The following TET3 variants were observed in gnomAD, a reference collection of about 807,000 sequenced individuals.
TET3 encodes tet methylcytosine dioxygenase 3, also known as methylcytosine dioxygenase TET3.
TET3 carries 19 observed loss-of-function variants against 141.4 expected under a neutral mutation model. The ratio of observed to expected loss-of-function variants is 0.13; its 90% CI spans 0.09 to 0.20. The LOEUF is 0.20. TET3 is among the 10% of genes least tolerant of loss of function. TET3 has a pLI of 1.00. For missense variants in TET3, 1,874 were observed against 2,356.9 expected (o/e 0.80, Z 4.24); for synonymous variants, 1,043 against 980.9 (o/e 1.06, Z -1.18).
Position 74,093,755 on chromosome 2 carries a change from A to AG in TET3, c.3267+92dup. On this transcript the variant is annotated intron_variant, in intron 10 of 11. Transcript: ENST00000409262. This position sits in a 1 kb window ranked among gnomAD's most constrained non-coding sequence, Gnocchi z 4.2. ...CTTTTCAGAAAGGCAGGCTGAGGGTAGGGAGGGACCTGGAGACAGGATCCT... is the reference window on the plus strand; with the variant it reads ...CTTTTCAGAAAGGCAGGCTGAGGGTAGGGGAGGGACCTGGAGACAGGATCCT... 2.1e-6 allele frequency: 3 copies of AG among 1,431,130 alleles called. No homozygotes were observed. Among genetic ancestry groups the AG allele is most frequent in the Admixed American group, 2.3e-5 (1 of 43,600 alleles). The allele number at this position is 1,431,130 out of a possible 1,614,324, so 88.7% of individuals were successfully genotyped here.
chr2:74,078,208 A>G (rs1689618550), intron 5 of TET3, among the ~76,000 whole-genome samples: 1 of 152,250 alleles, frequency 6.6e-6, no homozygotes, highest in Admixed American at 6.5e-5. Flanking sequence ...GTTAATTAAA[A>G]AAAAATTATA....
chr2:74,080,731 C>T, intron 6 of TET3, 140 bp downstream of exon 6: 2 of 675,496 alleles, frequency 3.0e-6, no homozygotes, highest in Admixed American at 4.6e-5. Context: ...GTGTAGGAGA[C>T]AACATGTTGA....
chr2:74,023,635 A>G (rs957742540), intron 3 of TET3, among the ~76,000 whole-genome samples: 3 of 152,218 alleles, frequency 2.0e-5, no homozygotes, highest in Non-Finnish European at 2.9e-5. Flanking sequence ...TAGCTTGGCC[A>G]CATCTGGTTG....
intron 3 of TET3, among the ~76,000 whole-genome samples, chr2:74,036,422 ATTG>A (rs537823863): frequency 3.2e-4 from 48 of 152,234 alleles, no homozygotes; most frequent in African/African-American, 1.1e-3. Flanking sequence ...CCATCTCCCT[ATTG>A]TTGGGGCACT....
rs1189298804 is a variant in TET3, at chr2:74,101,977, TGGGCC to T, written c.5190_5194del (p.Leu1732ProfsTer20). 8.1e-6 allele frequency: 13 copies of T among 1,605,158 alleles called. No individual in the cohort carries two copies. The highest frequency in any genetic ancestry group is 2.7e-5 in the African/African-American group (2 of 74,692). On this transcript the variant is annotated frameshift_variant, in exon 12 of 12. Transcript: ENST00000409262. LOFTEE classifies it high-confidence loss of function. The surrounding 1 kb of genome is among the most constrained non-coding windows in gnomAD (Gnocchi z 8.5). ...GCACGGCAGGAGGAGGCTGCCCGGCTGGGCCTGGGCCAGCAGGAGGCCAAGCTCTA... is the reference window on the plus strand; with the variant it reads ...GCACGGCAGGAGGAGGCTGCCCGGCTTGGGCCAGCAGGAGGCCAAGCTCTA...
intron 3 of TET3, among the ~76,000 whole-genome samples, chr2:74,030,566 A>C (rs1225755535): frequency 6.6e-6 from 1 of 152,152 alleles, no homozygotes; most frequent in African/African-American, 2.4e-5. Flanking sequence ...TCTTGATAAC[A>C]TTTGTTCATG....
Position 74,047,986 on chromosome 2 carries a change from C to T in TET3, c.2069C>T (p.Thr690Ile). ...GAAATGAGGTCCCCCAGCCCCATGA[C>T]AGCCTTGCAGCCAGGCTCCACTGGC... is the stretch of plus-strand genomic sequence containing the variant. ...TQEMRSPSPM[T>I]ALQPGSTGPL... is the part of the protein sequence containing the mutation. The change falls in exon 4 of 12, where the codon ACA becomes ATA. Residue 690 changes from threonine to isoleucine, a missense_variant. Thr to Ile is a moderately conservative substitution (Grantham distance 89). Around this residue, in one of 10 missense-constraint regions of TET3, gnomAD observed 484 missense variants for 462.2 expected, o/e 1.05. Coordinates refer to ENST00000409262, the MANE Select transcript of TET3 (RefSeq NM_001287491.2). The T allele has an allele frequency of 2.5e-6, 4 of 1,609,598 alleles. No homozygotes were observed. Among genetic ancestry groups the T allele is most frequent in the Non-Finnish European group, 3.4e-6 (4 of 1,177,734 alleles).
Position 74,047,513 on chromosome 2 carries a change from C to G in TET3, c.1596C>G (p.Leu532=), listed in dbSNP as rs1195339175. ...QKAQTALQQH[L]HHKRSLFLEQ... ...CCCAGACCGCCCTGCAGCAGCACCT[C>G]CACCACAAGCGCAGCCTCTTCCTAG... Residue 532 remains leucine, a synonymous_variant, in exon 4 of 12, where the codon CTC becomes CTG. Coordinates refer to ENST00000409262, the MANE Select transcript of TET3 (RefSeq NM_001287491.2). 1 of 1,613,136 alleles carries G rather than the reference C, an allele frequency of 6.2e-7. No homozygotes were observed. The highest frequency in any genetic ancestry group is 2.2e-5 in the East Asian group (1 of 44,886).
chr2:74,128,816 TACAACA>T, the TET3 span, among the ~76,000 whole-genome samples: 14 of 150,188 alleles, frequency 9.3e-5, no homozygotes, highest in Non-Finnish European at 1.3e-4. Context: ...ACCTCAACTC[TACAACA>T]ACAACAACAA....
At chr2:74,008,923 C>G (rs1232773612) in intron 3 of TET3, among the ~76,000 whole-genome samples, 1 of 152,218 alleles carries the variant, frequency 6.6e-6, no homozygotes, top group Admixed American at 6.5e-5. Context: ...TCAACCCCGC[C>G]TCCAGGCATT....
rs1691417557 is a variant in TET3 at position 74,104,921 on chromosome 2, G to T, written c.*2745G>T. 1 of 361,720 alleles carries T rather than the reference G, an allele frequency of 2.8e-6. No individual in the cohort carries two copies. The highest frequency in any genetic ancestry group is 4.9e-6 in the Non-Finnish European group (1 of 203,754). 22.4% of individuals were successfully genotyped at this position (361,720 alleles called of 1,614,324 possible). A position where few individuals can be genotyped will look rare whatever the true frequency, so the allele number is the denominator to read the frequency against. On this transcript the variant is annotated 3_prime_UTR_variant, in exon 12 of 12. Transcript: ENST00000409262. ...GGCGTTTCCAGAGTTAGGCGGTGTG[G>T]TTGCCGTGCTCAAGCCCATGCTGAT...
At position 73,988,175 on chromosome 2, in the gene TET3, G is replaced by A. The variant is rs372878548; in HGVS notation, c.303+1469G>A. 7.2e-5 allele frequency among the ~76,000 whole-genome samples: 11 copies of A among 152,298 alleles called. No homozygotes were observed. In the East Asian group the frequency reaches 2.1e-3, roughly 29 times the overall value. On this transcript the variant is annotated intron_variant, in intron 2 of 11. Coordinates refer to ENST00000409262, the MANE Select transcript of TET3 (RefSeq NM_001287491.2). ...GTAGTTATCGTCCTGCTGGCCCAGT[G>A]CCCCATGGGTCGCTACTGAAAGCAG...
chr2:74,098,409 G>A (rs978146462), intron 10 of TET3, among the ~76,000 whole-genome samples: 3 of 152,050 alleles, frequency 2.0e-5, no homozygotes, highest in Non-Finnish European at 4.4e-5. Flanking sequence ...AAGCTATTAT[G>A]TGACCATATG....
intron 2 of TET3, among the ~76,000 whole-genome samples, chr2:73,988,978 A>G (rs1300808352): frequency 8.5e-5 from 11 of 129,978 alleles, no homozygotes; most frequent in South Asian, 2.2e-4. Context: ...CCTCTCTCTG[A>G]AAAAAAAAAA....
upstream of TET3, among the ~76,000 whole-genome samples, chr2:73,984,743 C>A (rs1683908170): frequency 6.7e-6 from 1 of 150,138 alleles, no homozygotes; most frequent in Non-Finnish European, 1.5e-5. This position sits in a 1 kb window ranked among gnomAD's most constrained non-coding sequence, Gnocchi z 5.6. Flanking sequence ...CTGCCCCAAG[C>A]CGCTCGCAGG....
chr2:74,059,674 G>A (rs1207050316), intron 4 of TET3, among the ~76,000 whole-genome samples: 1 of 152,202 alleles, frequency 6.6e-6, no homozygotes, highest in Non-Finnish European at 1.5e-5. Context: ...CACCTCCCAA[G>A]TAGCTGGGAC....
At position 74,101,619 on chromosome 2, in the gene TET3, G is replaced by A. The variant is rs1572906879; in HGVS notation, c.4831G>A (p.Gly1611Arg). The change falls in exon 12 of 12, where the codon GGG becomes AGG. Residue 1611 changes from glycine to arginine, a missense_variant. Gly to Arg is a moderately radical substitution (Grantham distance 125). Transcript: ENST00000409262. This position sits in a 1 kb window ranked among gnomAD's most constrained non-coding sequence, Gnocchi z 8.5. The part of the protein sequence containing the change: ...KLWDPFSLEE[G>R]PAEEPPSKGA... ...GTGGGACCCCTTCAGCCTGGAGGAG[G>A]GGCCGGCTGAGGAGCCCCCCAGCAA... The A allele has an allele frequency of 1.9e-6, 3 of 1,612,882 alleles. No homozygotes were observed. The highest frequency in any genetic ancestry group is 4.5e-5 in the East Asian group (2 of 44,838).
At chr2:73,984,539 G>A (rs975583538), upstream of TET3, among the ~76,000 whole-genome samples, 1 of 152,010 alleles carries the variant, frequency 6.6e-6, no homozygotes, top group Non-Finnish European at 1.5e-5. The surrounding 1 kb of genome is among the most constrained non-coding windows in gnomAD (Gnocchi z 5.6). Flanking sequence ...GCAGGAAGTG[G>A]GGACACCGAG....
chr2:74,076,941 C>T lies in TET3; in HGVS notation c.2585+3302C>T, dbSNP rs550952292. ...GTTGAAAGCAAATCCTAAAATGTCC[C>T]AACTTATTTATGAGTGTCATACTTT... On this transcript the variant is annotated intron_variant, in intron 5 of 11. Coordinates refer to ENST00000409262, the MANE Select transcript of TET3 (RefSeq NM_001287491.2). 2.0e-5 allele frequency among the ~76,000 whole-genome samples: 3 copies of T among 152,276 alleles called. No homozygotes were observed. The South Asian group carries it at 6.2e-4, about 32-fold the overall frequency.
Sources: allele counts gnomAD v4.1 joint callset (sites outside exome capture counted in the v4.1 genomes callset), GRCh38; gene constraint gnomAD v4.1.1; regional missense constraint gnomAD v4.1.1; non-coding constraint Gnocchi (gnomAD v3.1); transcripts MANE v1.5; gene names NCBI Gene and HGNC (gene_info 2026-07-23, HGNC 2026-07-21).